Variants in BMPR2 observed in about 807,000 individuals in gnomAD.
BMPR2 encodes bone morphogenetic protein receptor type 2, also known as bone morphogenetic protein receptor type-2.
Under a neutral mutation model 100.8 loss-of-function variants are expected in BMPR2, and 29 were observed. That is an observed-to-expected ratio of 0.29 (90% confidence interval 0.21 to 0.39). BMPR2 has a LOEUF of 0.39. Among genes scored for constraint, BMPR2 ranks in the 10% least tolerant of loss-of-function variants. The probability of loss-of-function intolerance (pLI) is 1.00; values close to 1 mark genes in which losing one functional copy is unlikely to be tolerated. For missense variants in BMPR2, 1,011 were observed against 1,274.5 expected, an observed-to-expected ratio of 0.79 and a Z score of 3.15; for synonymous variants, 382 against 442.3, an observed-to-expected ratio of 0.86 and a Z score of 1.71.
intron 3 of BMPR2, among the ~76,000 whole-genome samples, chr2:202,499,285 C>A (rs1693108886): frequency 6.6e-6 from 1 of 152,152 alleles, no homozygotes; most frequent in South Asian, 2.1e-4. Context: ...TAGATCAAAC[C>A]CTGGCCTTTA....
At chr2:202,484,161 A>T (rs1032951318) in intron 3 of BMPR2, among the ~76,000 whole-genome samples, 1 of 152,230 alleles carries the variant, frequency 6.6e-6, no homozygotes, top group Non-Finnish European at 1.5e-5. Context: ...AAGTCAAAAA[A>T]TTTTAAGTCG....
At chr2:202,539,957 T>A (rs1345336639) in intron 9 of BMPR2, among the ~76,000 whole-genome samples, 3 of 152,164 alleles carry the variant, frequency 2.0e-5, no homozygotes, top group Non-Finnish European at 2.9e-5. Context: ...GGAAATCCAA[T>A]AAGGTTATTA....
chr2:202,501,135 C>T (rs375195473), intron 3 of BMPR2, among the ~76,000 whole-genome samples: 1 of 152,168 alleles, frequency 6.6e-6, no homozygotes. Context: ...GTGTCTAGGT[C>T]GAAGGCCCAG....
intron 1 of BMPR2, among the ~76,000 whole-genome samples, chr2:202,447,446 CTG>C (rs767675653): frequency 4.6e-5 from 7 of 150,712 alleles, no homozygotes; most frequent in Non-Finnish European, 7.4e-5. Context: ...AATCCCAACA[CTG>C]TGGGAGCCTG....
At chr2:202,482,794 C>T (rs547423161) in intron 3 of BMPR2, among the ~76,000 whole-genome samples, 31 of 152,234 alleles carry the variant, frequency 2.0e-4, no homozygotes, top group African/African-American at 7.0e-4. Flanking sequence ...CTGCCTCGGC[C>T]TCTCAAAGTG....
chr2:202,438,083 G>T (rs1216076318), intron 1 of BMPR2, among the ~76,000 whole-genome samples: 1 of 150,214 alleles, frequency 6.7e-6, no homozygotes, highest in Non-Finnish European at 1.5e-5. Context: ...GGAGGTGAAG[G>T]TGGGCGGATC....
In BMPR2 at chr2:202,560,076, G is replaced by T; in HGVS notation, c.*130G>T. The T allele has an allele frequency of 8.7e-7, 1 of 1,149,022 alleles. No homozygotes were observed. The highest frequency in any genetic ancestry group is 1.2e-6 in the Non-Finnish European group (1 of 820,784). The allele number at this position is 1,149,022 out of a possible 1,614,324, so 71.2% of individuals were successfully genotyped here. A position where few individuals can be genotyped will look rare whatever the true frequency, so the allele number is the denominator to read the frequency against. ...CCTCCCACCCCTGCAACAAAGACTT[G>T]CTTTAAATAGATTTCAGCTATGCAG... On this transcript the variant is annotated 3_prime_UTR_variant, in exon 13 of 13. Coordinates refer to ENST00000374580, the MANE Select transcript of BMPR2 (RefSeq NM_001204.7).
chr2:202,480,920 A>C (rs913370213), intron 3 of BMPR2, among the ~76,000 whole-genome samples: 165 of 135,868 alleles, frequency 1.2e-3, no homozygotes, highest in African/African-American at 4.5e-3. Flanking sequence ...GTGCCACTGC[A>C]CTCCAGCCTG....
intron 1 of BMPR2, among the ~76,000 whole-genome samples, chr2:202,395,340 T>C (rs1690638393): frequency 6.6e-6 from 1 of 152,206 alleles, no homozygotes; most frequent in Non-Finnish European, 1.5e-5. Flanking sequence ...ACACCAATTG[T>C]GTATAAGGAA....
intron 1 of BMPR2, among the ~76,000 whole-genome samples, chr2:202,379,043 G>C (rs1167987381): frequency 6.6e-6 from 1 of 152,142 alleles, no homozygotes; most frequent in East Asian, 1.9e-4. Flanking sequence ...ATTTTTGTTT[G>C]GTAATACAAT....
chr2:202,548,570 G>C (rs1688416921), intron 10 of BMPR2, among the ~76,000 whole-genome samples: 1 of 152,116 alleles, frequency 6.6e-6, no homozygotes, highest in South Asian at 2.1e-4. Context: ...TTCAGTTTTG[G>C]TTAGAGTTGT....
intron 1 of BMPR2, among the ~76,000 whole-genome samples, chr2:202,426,308 C>T (rs1391350883): frequency 2.6e-5 from 4 of 152,024 alleles, no homozygotes; most frequent in Admixed American, 1.3e-4. Context: ...TGGCCGGGTA[C>T]GGTGGCTCAC....
At chr2:202,384,568 CT>C (rs58554562) in intron 1 of BMPR2, among the ~76,000 whole-genome samples, 1,888 of 11,244 alleles carry the variant, frequency 0.17, 44 homozygotes, top group East Asian at 0.43. Flanking sequence ...TTCTTTCTTT[CT>C]TTTTCTTTCT....
chr2:202,378,983 T>A (rs994875380), intron 1 of BMPR2, among the ~76,000 whole-genome samples: 2 of 152,320 alleles, frequency 1.3e-5, no homozygotes, highest in Non-Finnish European at 1.5e-5. Flanking sequence ...AATATTGTGA[T>A]CAGAACTGAT....
rs536331819 is a variant in BMPR2 at position 202,534,801 on chromosome 2, C to T, written c.1276+2069C>T. On this transcript the variant is annotated intron_variant, in intron 9 of 12. Transcript: ENST00000374580. ...CACACCTCCCAGACGGGGTGGTGGC[C>T]GGGCAGAGAGGCTCCTCACCTCCCG... 9.3e-4 allele frequency among the ~76,000 whole-genome samples: 142 copies of T among 152,080 alleles called. 1 individual carries two copies. The highest frequency in any genetic ancestry group is 3.2e-3 in the African/African-American group (133 of 41,470).
intron 1 of BMPR2, among the ~76,000 whole-genome samples, chr2:202,392,214 C>T (rs1017970791): frequency 2.6e-5 from 4 of 151,968 alleles, no homozygotes; most frequent in Non-Finnish European, 4.4e-5. Flanking sequence ...GGGATTAAAG[C>T]GCCTGCCATC....
chr2:202,496,392 G>A (rs181602315), intron 3 of BMPR2, among the ~76,000 whole-genome samples: 28 of 152,132 alleles, frequency 1.8e-4, no homozygotes, highest in Admixed American at 1.4e-3. Flanking sequence ...TGATAGGATC[G>A]CTTGAGCCTG....
At chr2:202,513,317 A>G (rs1687656774) in intron 3 of BMPR2, among the ~76,000 whole-genome samples, 1 of 152,144 alleles carries the variant, frequency 6.6e-6, no homozygotes, top group South Asian at 2.1e-4. Context: ...ACTACCATCT[A>G]AATCTTACAG....
rs190643324 is a variant in BMPR2 at position 202,442,457 on chromosome 2, A to G, written c.77-22352A>G. Among the ~76,000 whole-genome samples, 209 of 150,548 alleles carry G rather than the reference A, an allele frequency of 1.4e-3. 21 individuals are homozygous for G. The highest frequency in any genetic ancestry group is 5.0e-3 in the African/African-American group (201 of 39,886). ...TTTTTTTTAAACTATGGCAAATCAT[A>G]TAATAAAATTCACTTTCCCAACAAT... On this transcript the variant is annotated intron_variant, in intron 1 of 12. Transcript: ENST00000374580.
Sources: allele counts gnomAD v4.1 joint callset (sites outside exome capture counted in the v4.1 genomes callset), GRCh38; gene constraint gnomAD v4.1.1; transcripts MANE v1.5; gene names NCBI Gene and HGNC (gene_info 2026-07-23, HGNC 2026-07-21).